The following COLEC11 variants were observed in gnomAD, a reference collection of about 807,000 sequenced individuals.
COLEC11 encodes the protein collectin-11.
Under a neutral mutation model 27.3 loss-of-function variants are expected in COLEC11, and 20 were observed. The observed-to-expected ratio is 0.73, with a 90% confidence interval of 0.51 to 1.06. COLEC11 has a LOEUF of 1.06. Ranked by LOEUF, COLEC11 falls within the 50% of genes least tolerant of loss-of-function variation. The pLI is 0.00. For synonymous variants in COLEC11, 163 were observed against 154.7 expected (o/e 1.05, Z -0.40); for missense variants, 310 against 383.0 (o/e 0.81, Z 1.59).
At chr2:3,626,084 G>T (rs752544591) in intron 3 of COLEC11, 1 of 1,613,814 alleles carries the variant, frequency 6.2e-7, no homozygotes, top group Non-Finnish European at 8.5e-7. Context: ...GTAGAAATGG[G>T]ATCACAGGGT....
At chr2:3,610,320 G>A (rs1663089616) in intron 2 of COLEC11, among the ~76,000 whole-genome samples, 1 of 152,202 alleles carries the variant, frequency 6.6e-6, no homozygotes, top group Admixed American at 6.5e-5. Context: ...TAAGCAGTAT[G>A]AGAAGAGCTG....
intron 5 of COLEC11, 105 bp from the exon 6 acceptor site, chr2:3,643,339 C>A: frequency 1.1e-6 from 1 of 947,902 alleles, no homozygotes; most frequent in South Asian, 1.3e-5. Context: ...GCCCGTGGGG[C>A]ACGTTTGTTG....
At chr2:3,643,053 T>C (rs1025904036) in intron 5 of COLEC11, among the ~76,000 whole-genome samples, 5 of 152,252 alleles carry the variant, frequency 3.3e-5, no homozygotes, top group African/African-American at 1.2e-4. Context: ...CCCTCAGCCC[T>C]GCAGTGCCCC....
chr2:3,632,325 C>T (rs1381120166), intron 3 of COLEC11, among the ~76,000 whole-genome samples: 1 of 152,170 alleles, frequency 6.6e-6, no homozygotes, highest in East Asian at 1.9e-4. Context: ...GAGCAGAGGG[C>T]AGTGTCTCTG....
chr2:3,603,809 C>T (rs1328012901), intron 1 of COLEC11: 16 of 733,720 alleles, frequency 2.2e-5, no homozygotes, highest in Non-Finnish European at 3.7e-5. Context: ...GGCCAGGTGC[C>T]TGTCTCCTGC....
At chr2:3,613,415 C>CTT in intron 3 of COLEC11, 33 bp downstream of exon 3, 2 of 1,562,724 alleles carry the variant, frequency 1.3e-6, no homozygotes, top group Non-Finnish European at 1.7e-6. Context: ...CCTCAGAGCT[C>CTT]TGAGGATGGA....
intron 1 of COLEC11, among the ~76,000 whole-genome samples, chr2:3,598,090 C>T (rs947273321): frequency 3.3e-5 from 5 of 152,148 alleles, no homozygotes; most frequent in Admixed American, 1.3e-4. Context: ...CACCCGCCAC[C>T]ATGCCCAGCT....
intron 3 of COLEC11, among the ~76,000 whole-genome samples, chr2:3,626,804 C>T (rs1664588260): frequency 6.6e-6 from 1 of 152,338 alleles, no homozygotes; most frequent in East Asian, 1.9e-4. Flanking sequence ...ACTTTTTATA[C>T]ACAACCTGGG....
chr2:3,612,407 G>A (rs10188885), intron 2 of COLEC11, among the ~76,000 whole-genome samples: 6,836 of 152,198 alleles, frequency 0.045, 507 homozygotes, highest in African/African-American at 0.16. Context: ...ATCCGGAAGA[G>A]CCTCCCGGAG....
At chr2:3,606,373 A>G (rs1279396049) in intron 2 of COLEC11, 2 of 777,042 alleles carry the variant, frequency 2.6e-6, no homozygotes, top group African/African-American at 3.5e-5. Context: ...ATGTGCTGTC[A>G]TTTCCCACAT....
intron 3 of COLEC11, among the ~76,000 whole-genome samples, chr2:3,634,306 CAGAT>C (rs991342803): frequency 5.9e-5 from 9 of 152,280 alleles, no homozygotes; most frequent in Non-Finnish European, 1.2e-4. Context: ...AGATTTCAGA[CAGAT>C]AATAGTTTTT....
In COLEC11 at chr2:3,604,284, C is replaced by G. The variant is rs746065629; in HGVS notation, c.-26-31C>G. The G allele has an allele frequency of 1.6e-5, 26 of 1,612,878 alleles. 1 individual carries two copies. In the South Asian group the frequency reaches 2.9e-4, roughly 18 times the overall value. Reference sequence around the variant, plus strand: ...CACTGGCTGCCCGGCTGTTGCAGTTCCCATCACTGTTTATTCCTTCCTCTG... The same window carrying G: ...CACTGGCTGCCCGGCTGTTGCAGTTGCCATCACTGTTTATTCCTTCCTCTG... On this transcript the variant is annotated intron_variant, in intron 1 of 6. Coordinates refer to ENST00000349077, the MANE Select transcript of COLEC11 (RefSeq NM_024027.5).
intron 3 of COLEC11, chr2:3,617,732 G>T: frequency 4.2e-6 from 6 of 1,440,208 alleles, no homozygotes; most frequent in Non-Finnish European, 5.9e-6. Flanking sequence ...GAGAAGTCTG[G>T]TCTGCGCAGT....
intron 3 of COLEC11, among the ~76,000 whole-genome samples, chr2:3,631,445 G>C (rs1664992554): frequency 6.6e-6 from 1 of 152,200 alleles, no homozygotes; most frequent in African/African-American, 2.4e-5. Flanking sequence ...GGCTCATCCG[G>C]TGGAGGGAGT....
chr2:3,608,353 T>C (rs899301739), intron 2 of COLEC11, among the ~76,000 whole-genome samples: 7 of 152,194 alleles, frequency 4.6e-5, no homozygotes, highest in African/African-American at 1.4e-4. Context: ...ATGTAGTCAA[T>C]CATCCTGAAA....
chr2:3,623,494 C>G (rs949488608), intron 3 of COLEC11, among the ~76,000 whole-genome samples: 1 of 151,662 alleles, frequency 6.6e-6, no homozygotes, highest in Middle Eastern at 3.4e-3. Context: ...TGCCTTTTTT[C>G]TTTTCTCTTC....
intron 3 of COLEC11, among the ~76,000 whole-genome samples, chr2:3,623,042 G>T (rs1404550035): frequency 1.3e-5 from 2 of 152,064 alleles, no homozygotes; most frequent in African/African-American, 4.8e-5. Context: ...CTTTATTTTT[G>T]AAGGATGGCT....
rs555395595 is a variant in COLEC11, at chr2:3,607,533, C to T, written c.130+3063C>T. ...TGCGACCTTGGCTCACTGCAGCCTC[C>T]GCCTCTCAGGTTCAAGTGATTCTCC... On this transcript the variant is annotated intron_variant, in intron 2 of 6. Coordinates refer to ENST00000349077, the MANE Select transcript of COLEC11 (RefSeq NM_024027.5). Among the ~76,000 whole-genome samples, 426 of 148,922 alleles carry T rather than the reference C, an allele frequency of 2.9e-3. 1 individual carries two copies. Among genetic ancestry groups the T allele is most frequent in the Non-Finnish European group, 4.2e-3 (285 of 67,588 alleles).
intron 3 of COLEC11, among the ~76,000 whole-genome samples, chr2:3,635,900 G>T (rs1000439151): frequency 2.6e-5 from 4 of 152,250 alleles, no homozygotes; most frequent in Non-Finnish European, 5.9e-5. Context: ...ATAAGAGAAT[G>T]CATGTGAACG....
Sources: gnomAD v4.1 joint callset for allele counts (sites outside exome capture counted in the v4.1 genomes callset) on GRCh38, gnomAD v4.1.1 for gene constraint, MANE v1.5 for transcripts, NCBI Gene and HGNC (gene_info 2026-07-23, HGNC 2026-07-21) for gene names.